The following KIDINS220 variants were observed in gnomAD, a reference collection of about 807,000 sequenced individuals.
The protein encoded by KIDINS220 is kinase D-interacting substrate of 220 kDa.
In KIDINS220, 63 loss-of-function variants were observed where a neutral mutation model predicts 157.6. The observed-to-expected ratio is 0.40, with a 90% confidence interval of 0.33 to 0.49. The LOEUF (loss-of-function observed/expected upper bound fraction) is 0.49, where lower values mean the gene tolerates loss of function less well. Among genes scored for constraint, KIDINS220 ranks in the 20% least tolerant of loss-of-function variants. The probability of loss-of-function intolerance (pLI) is 0.66; values close to 1 mark genes in which losing one functional copy is unlikely to be tolerated. For synonymous variants in KIDINS220, 732 were observed against 783.6 expected (o/e 0.93, Z 1.10); for missense variants, 1,772 against 2,171.2 (o/e 0.82, Z 3.65).
At position 8,750,294 on chromosome 2, in the gene KIDINS220, C is replaced by T. The variant is rs201090003; in HGVS notation, c.3232G>A (p.Ala1078Thr). 1.2e-5 allele frequency: 19 copies of T among 1,612,088 alleles called. No individual in the cohort carries two copies. Among genetic ancestry groups the T allele is most frequent in the Middle Eastern group, 3.4e-4 (2 of 5,892 alleles). The change falls in exon 24 of 30, where the codon GCG (alanine) becomes ACG (threonine). Residue 1078 changes from alanine to threonine, a missense_variant. Around this residue, in one of 3 missense-constraint regions of KIDINS220, gnomAD observed 793 missense variants for 885.5 expected, o/e 0.90. Coordinates refer to ENST00000256707, the MANE Select transcript of KIDINS220 (RefSeq NM_020738.4). ...TCATGTAGAGGGAGCGGGGGGTACG[C>T]CAGTCCTCCAATACTGATCTGCTCT... is the stretch of plus-strand genomic sequence containing the variant. ...AREQISIGGL[A>T]YPPLPLHEGP...
rs1479332182 is a variant in KIDINS220 at position 8,729,897 on chromosome 2, T to TC, written c.*822dup. 3 of 985,432 alleles carry TC rather than the reference T, an allele frequency of 3.0e-6. No individual in the cohort carries two copies. Among genetic ancestry groups the TC allele is most frequent in the East Asian group, 2.3e-4 (2 of 8,818 alleles). 61.0% of individuals were successfully genotyped at this position (985,432 alleles called of 1,614,324 possible). A position where few individuals can be genotyped will look rare whatever the true frequency, so the allele number is the denominator to read the frequency against. On this transcript the variant is annotated 3_prime_UTR_variant, in exon 30 of 30. Coordinates refer to ENST00000256707, the MANE Select transcript of KIDINS220 (RefSeq NM_020738.4). ...CAGAAAAAGAATTCATGTTTTTTTT[T>TC]CTTCTCATTGCTAAGCTCACTTAGA...
At chr2:8,836,064 T>C (rs903091189) in intron 1 of KIDINS220, among the ~76,000 whole-genome samples, 1 of 152,136 alleles carries the variant, frequency 6.6e-6, no homozygotes, top group Non-Finnish European at 1.5e-5. Flanking sequence ...CCCTGACATT[T>C]GAACTTTCTG....
intron 22 of KIDINS220, chr2:8,757,397 A>G (rs920576548): frequency 2.4e-5 from 28 of 1,170,364 alleles, no homozygotes; most frequent in Middle Eastern, 7.3e-4. Context: ...CAGTCAGTTC[A>G]GTAAATGCCA....
chr2:8,815,664 G>A (rs113340398), intron 4 of KIDINS220, among the ~76,000 whole-genome samples: 81 of 152,164 alleles, frequency 5.3e-4, no homozygotes, highest in African/African-American at 1.5e-3. Context: ...GCGAGACTCC[G>A]TCTCAGGGGG....
intron 6 of KIDINS220, among the ~76,000 whole-genome samples, chr2:8,808,621 A>G (rs190145537): frequency 2.6e-5 from 4 of 152,330 alleles, no homozygotes; most frequent in East Asian, 1.9e-4. Context: ...AACTACCTCA[A>G]TAAGTCTCTC....
At chr2:8,775,971 T>C (rs953245842) in intron 21 of KIDINS220, among the ~76,000 whole-genome samples, 1 of 152,218 alleles carries the variant, frequency 6.6e-6, no homozygotes, top group Admixed American at 6.5e-5. Context: ...AGGCAGACAC[T>C]CGCTACACAT....
chr2:8,758,151 C>T (rs1278541340), intron 22 of KIDINS220, among the ~76,000 whole-genome samples: 2 of 152,248 alleles, frequency 1.3e-5, no homozygotes, highest in African/African-American at 4.8e-5. Flanking sequence ...GCGTGAGCCA[C>T]TGCGCCCAGC....
chr2:8,792,060 GA>G (rs1266402347), intron 12 of KIDINS220, among the ~76,000 whole-genome samples: 1 of 151,998 alleles, frequency 6.6e-6, no homozygotes, highest in Non-Finnish European at 1.5e-5. Context: ...AATCATTCAT[GA>G]AAAAATTAAA....
At chr2:8,818,660 T>C in intron 3 of KIDINS220, 35 bp downstream of exon 3, 1 of 1,230,130 alleles carries the variant, frequency 8.1e-7, no homozygotes, top group South Asian at 1.3e-5. Context: ...AAGAAAAAAG[T>C]GAGTAAATGA....
At chr2:8,835,307 C>T (rs1386695348) in intron 1 of KIDINS220, among the ~76,000 whole-genome samples, 1 of 152,196 alleles carries the variant, frequency 6.6e-6, no homozygotes, top group African/African-American at 2.4e-5. Flanking sequence ...TGCCCACCCA[C>T]AGCCCCTGCT....
chr2:8,825,372 C>CAAAAAAAAAAAAAA (rs369409976), intron 2 of KIDINS220, among the ~76,000 whole-genome samples: 52 of 108,402 alleles, frequency 4.8e-4, no homozygotes, highest in East Asian at 1.3e-3. Context: ...GACTCCGTCT[C>CAAAAAAAAAAAAAA]AAAAAAAAAA....
At chr2:8,788,533 T>G in intron 15 of KIDINS220, 114 bp downstream of exon 15, 1 of 1,000,234 alleles carries the variant, frequency 1.0e-6, no homozygotes, top group Non-Finnish European at 1.5e-6. Context: ...CCTCCCAAAG[T>G]GCTGGGATTA....
At chr2:8,784,594 T>C (rs1387169031) in intron 17 of KIDINS220, among the ~76,000 whole-genome samples, 1 of 152,044 alleles carries the variant, frequency 6.6e-6, no homozygotes, top group Non-Finnish European at 1.5e-5. Flanking sequence ...GACTGAAAAA[T>C]AAGCCAAGAC....
intron 22 of KIDINS220, among the ~76,000 whole-genome samples, chr2:8,763,362 T>C (rs1411245848): frequency 6.6e-6 from 1 of 152,194 alleles, no homozygotes; most frequent in Non-Finnish European, 1.5e-5. Flanking sequence ...CAGCTGAGCA[T>C]CCCTAATCCA....
chr2:8,782,274 A>G (rs980455141), intron 17 of KIDINS220, among the ~76,000 whole-genome samples: 1 of 152,160 alleles, frequency 6.6e-6, no homozygotes, highest in Admixed American at 6.5e-5. Flanking sequence ...TTAGTTCAAA[A>G]GATAAACACA....
intron 7 of KIDINS220, 78 bp from the exon 8 acceptor site, chr2:8,803,205 G>T: frequency 8.3e-7 from 1 of 1,198,782 alleles, no homozygotes; most frequent in Non-Finnish European, 1.1e-6. Context: ...TATGATTTAT[G>T]CCATAATCAT....
chr2:8,721,890 T>C (rs542608355), downstream of KIDINS220: 17 of 152,348 alleles, frequency 1.1e-4, no homozygotes, highest in Admixed American at 6.5e-4. Flanking sequence ...TCTTAGAACA[T>C]TGTCAGATAC....
At chr2:8,827,382 A>G (rs1472833780) in intron 1 of KIDINS220, among the ~76,000 whole-genome samples, 3 of 151,328 alleles carry the variant, frequency 2.0e-5, no homozygotes, top group Non-Finnish European at 4.4e-5. Context: ...CCTCATCACC[A>G]CTCCAAAATG....
chr2:8,757,459 C>T lies in KIDINS220; in HGVS notation c.3012-5815G>A, dbSNP rs939424656. ...CATGAGAAGCACACTTGATTGTTTCCAAAGGGATATGTGAGGCCGTCTTCA... is the reference window on the plus strand; with the variant it reads ...CATGAGAAGCACACTTGATTGTTTCTAAAGGGATATGTGAGGCCGTCTTCA... On this transcript the variant is annotated intron_variant, in intron 22 of 29. Transcript: ENST00000256707. The T allele has an allele frequency of 5.0e-5, 67 of 1,339,222 alleles. No individual in the cohort carries two copies. The African/African-American group carries it at 9.7e-4, about 19-fold the overall frequency. 83.0% of individuals were successfully genotyped at this position (1,339,222 alleles called of 1,614,324 possible). A position where few individuals can be genotyped will look rare whatever the true frequency, so the allele number is the denominator to read the frequency against.
Sources: gnomAD v4.1 joint callset for allele counts (sites outside exome capture counted in the v4.1 genomes callset) on GRCh38, gnomAD v4.1.1 for gene constraint, gnomAD v4.1.1 regional missense constraint, MANE v1.5 for transcripts, NCBI Gene and HGNC (gene_info 2026-07-23, HGNC 2026-07-21) for gene names.